The following RNGTT variants were observed in gnomAD, a reference collection of about 807,000 sequenced individuals.
RNGTT encodes the protein mRNA-capping enzyme.
A neutral mutation model predicts 79.3 loss-of-function variants in RNGTT; 33 were observed. The ratio of observed to expected loss-of-function variants is 0.42; its 90% confidence interval spans 0.32 to 0.56. The LOEUF is 0.56. RNGTT is among the 20% of genes least tolerant of loss of function. The pLI is 0.17. For synonymous variants in RNGTT, 222 were observed against 235.9 expected (o/e 0.94, Z 0.54); for missense variants, 497 against 739.1 (o/e 0.67, Z 3.80).
chr6:88,846,913 T>C (rs953481609), intron 10 of RNGTT, among the ~76,000 whole-genome samples: 1 of 152,180 alleles, frequency 6.6e-6, no homozygotes, highest in Non-Finnish European at 1.5e-5. Flanking sequence ...CTCTCACCTC[T>C]CTAATACCAC....
At chr6:88,898,282 C>T (rs1449940023) in intron 6 of RNGTT, among the ~76,000 whole-genome samples, 2 of 152,186 alleles carry the variant, frequency 1.3e-5, no homozygotes, top group Non-Finnish European at 2.9e-5. Context: ...TTTGTCCTCT[C>T]CATGAAATCA....
chr6:88,848,876 G>A (rs1781575199), intron 10 of RNGTT, among the ~76,000 whole-genome samples: 1 of 152,058 alleles, frequency 6.6e-6, no homozygotes, highest in Non-Finnish European at 1.5e-5. Context: ...TAGCTGGTCA[G>A]TACATGAGTA....
chr6:88,826,846 G>GTGTGTGTATATATATATATATATA (rs1780681034), intron 11 of RNGTT, among the ~76,000 whole-genome samples: 10 of 135,454 alleles, frequency 7.4e-5, no homozygotes, highest in Admixed American at 5.9e-4. Flanking sequence ...ATATATATAT[G>GTGTGTGTATATATATATATATATA]TGTGTGTGTA....
intron 14 of RNGTT, among the ~76,000 whole-genome samples, chr6:88,645,300 T>C (rs1225809013): frequency 6.6e-6 from 1 of 152,178 alleles, no homozygotes; most frequent in Non-Finnish European, 1.5e-5. Flanking sequence ...TTACAAGGGA[T>C]GTGAAGGACC....
At chr6:88,752,865 T>G (rs1160147647) in intron 13 of RNGTT, among the ~76,000 whole-genome samples, 3 of 150,020 alleles carry the variant, frequency 2.0e-5, no homozygotes, top group Non-Finnish European at 3.0e-5. Context: ...ACCTCATAAA[T>G]ATAAACACCT....
chr6:88,693,989 A>T (rs985632889), intron 13 of RNGTT, among the ~76,000 whole-genome samples: 1 of 152,178 alleles, frequency 6.6e-6, no homozygotes, highest in Non-Finnish European at 1.5e-5. Context: ...CCAACAGATA[A>T]CATTATATTC....
At chr6:88,619,412 CTGG>C (rs1772360720) in intron 14 of RNGTT, among the ~76,000 whole-genome samples, 1 of 152,242 alleles carries the variant, frequency 6.6e-6, no homozygotes, top group African/African-American at 2.4e-5. Flanking sequence ...AAGCAATCCT[CTGG>C]CCTTGGCCTC....
At chr6:88,930,068 A>G (rs184342956) in intron 2 of RNGTT, among the ~76,000 whole-genome samples, 17 of 147,712 alleles carry the variant, frequency 1.2e-4, no homozygotes, top group Admixed American at 4.7e-4. Context: ...GTATATGCAT[A>G]TGTATACATA....
rs1021358338 is a variant in RNGTT, at chr6:88,610,521, T to C, written c.*2198A>G. ...TTGAAGTGAGCTGAGAAGGAGCACA[T>C]TTCCTTCACAATGTCCAAAATCCTG... On this transcript the variant is annotated 3_prime_UTR_variant, in exon 16 of 16. Coordinates refer to ENST00000369485, the MANE Select transcript of RNGTT (RefSeq NM_003800.5). The C allele has an allele frequency of 6.6e-6, 1 of 152,240 alleles. No individual in the cohort carries two copies. Among genetic ancestry groups the C allele is most frequent in the Non-Finnish European group, 1.5e-5 (1 of 68,040 alleles). The allele number at this position is 152,240 out of a possible 1,614,324, so 9.4% of individuals were successfully genotyped here. A position where few individuals can be genotyped will look rare whatever the true frequency, so the allele number is the denominator to read the frequency against.
chr6:88,646,775 T>C lies in RNGTT; in HGVS notation c.1506+31578A>G, dbSNP rs554960076. On this transcript the variant is annotated intron_variant, in intron 14 of 15. Transcript: ENST00000369485. The stretch of plus-strand genomic sequence containing the variant: ...ACCAAACACCGCATGTTCTCACTCA[T>C]AGCTGGGAATCGAACAATGAGAACA... Among the ~76,000 whole-genome samples the C allele has an allele frequency of 3.1e-3, 476 of 151,628 alleles. 4 individuals are homozygous for C. The highest frequency in any genetic ancestry group is 0.011 in the African/African-American group (459 of 41,154).
chr6:88,624,941 T>G lies in RNGTT; in HGVS notation c.1507-10546A>C, dbSNP rs997388615. Among the ~76,000 whole-genome samples, 10 of 152,036 alleles carry G rather than the reference T, an allele frequency of 6.6e-5. No homozygotes were observed. The Middle Eastern group carries it at 0.01, about 155-fold the overall frequency. On this transcript the variant is annotated intron_variant, in intron 14 of 15. Coordinates refer to ENST00000369485, the MANE Select transcript of RNGTT (RefSeq NM_003800.5). ...AACAGACACTTTACCAAAGAAGCTATATAGATGACAAATAAGCAAATAAAA... is the reference window on the plus strand; with the variant it reads ...AACAGACACTTTACCAAAGAAGCTAGATAGATGACAAATAAGCAAATAAAA...
intron 14 of RNGTT, among the ~76,000 whole-genome samples, chr6:88,634,981 CTCTT>C (rs745473094): frequency 6.6e-6 from 1 of 151,978 alleles, no homozygotes; most frequent in Non-Finnish European, 1.5e-5. Context: ...GGAGGAAAGA[CTCTT>C]AAGGGATGAA....
rs901981175 is a variant in RNGTT at position 88,742,464 on chromosome 6, C to A, written c.1439+27310G>T. ...ACAGTTACATGACAAGTTAACATAT[C>A]ATGATAGCTTTTTAAATCATTGCCA... is the stretch of plus-strand genomic sequence containing the variant. On this transcript the variant is annotated intron_variant, in intron 13 of 15. Transcript: ENST00000369485. Among the ~76,000 whole-genome samples the A allele has an allele frequency of 2.0e-5, 3 of 152,322 alleles. No individual in the cohort carries two copies. The East Asian group carries it at 5.8e-4, about 29-fold the overall frequency.
chr6:88,619,149 G>T (rs1772348467), intron 14 of RNGTT, among the ~76,000 whole-genome samples: 1 of 151,720 alleles, frequency 6.6e-6, no homozygotes, highest in Non-Finnish European at 1.5e-5. Context: ...TTCTCCATGG[G>T]GCTCCCTACC....
At chr6:88,837,707 GA>G (rs200213126) in intron 11 of RNGTT, among the ~76,000 whole-genome samples, 9 of 150,086 alleles carry the variant, frequency 6.0e-5, no homozygotes, top group Non-Finnish European at 1.2e-4. Flanking sequence ...GATCTAAACA[GA>G]AAAAAAAATA....
chr6:88,891,807 C>A lies in RNGTT; in HGVS notation c.793G>T (p.Gly265Trp). 2 of 1,548,994 alleles carry A rather than the reference C, an allele frequency of 1.3e-6. No individual in the cohort carries two copies. The highest frequency in any genetic ancestry group is 1.3e-5 in the South Asian group (1 of 79,164). ...TAAAAATTTAAAAATATTTATTACC[C>A]TTCCCAGCCACAGAATTGATGACAC... ...QKCHQFCGWE[G>W]SGFPGAQPVS... The change falls in exon 7 of 16, where the codon GGG becomes TGG. Residue 265 changes from glycine to tryptophan, a missense_variant and splice_region_variant. Gly to Trp is a radical substitution (Grantham distance 184, BLOSUM62 -2). This residue lies in a region of RNGTT where 440 missense variants were observed against 671.5 expected (regional missense o/e 0.66). Transcript: ENST00000369485.
rs1562201436 is a variant in RNGTT at position 88,697,956 on chromosome 6, TATATATATATGAAATACATATATATG to T, written c.1440-19563_1440-19538del. 3.7e-4 allele frequency among the ~76,000 whole-genome samples: 31 copies of T among 82,958 alleles called. 2 individuals are homozygous for T. In the East Asian group the frequency reaches 5.8e-3, roughly 15 times the overall value. 54.4% of individuals were successfully genotyped at this position (82,958 alleles called of 152,430 possible). On this transcript the variant is annotated intron_variant, in intron 13 of 15. Coordinates refer to ENST00000369485, the MANE Select transcript of RNGTT (RefSeq NM_003800.5). ...ATATATATGAAATACATATATATGATATATATATATGAAATACATATATATGATATATATATGAAATACATATATGA... is the reference window on the plus strand; with the variant it reads ...ATATATATGAAATACATATATATGATATATATATATGAAATACATATATGA...
At chr6:88,865,336 AGTT>A (rs1158624826) in intron 8 of RNGTT, among the ~76,000 whole-genome samples, 3 of 152,090 alleles carry the variant, frequency 2.0e-5, no homozygotes, top group Non-Finnish European at 4.4e-5. Context: ...GAAGAGTTAG[AGTT>A]GGGGTTAATG....
chr6:88,872,933 G>T (rs565658407), intron 8 of RNGTT, among the ~76,000 whole-genome samples: 17 of 152,128 alleles, frequency 1.1e-4, no homozygotes, highest in Middle Eastern at 3.4e-3. Flanking sequence ...TGAAAAGGAG[G>T]GATTGGTTAT....
Sources: gnomAD v4.1 joint callset for allele counts (sites outside exome capture counted in the v4.1 genomes callset) on GRCh38, gnomAD v4.1.1 for gene constraint, gnomAD v4.1.1 regional missense constraint, MANE v1.5 for transcripts, NCBI Gene and HGNC (gene_info 2026-07-23, HGNC 2026-07-21) for gene names.